SPATA21: variants seen among roughly 807,000 people sequenced by gnomAD.
SPATA21 encodes spermatogenesis associated 21.
A neutral mutation model predicts 54.8 loss-of-function variants in SPATA21; 47 were observed. The ratio of observed to expected loss-of-function variants is 0.86; its 90% CI spans 0.68 to 1.09. SPATA21 has a LOEUF of 1.09. Among genes scored for constraint, SPATA21 ranks in the 50% least tolerant of loss-of-function variants. The pLI, the probability that SPATA21 is intolerant of heterozygous loss-of-function variation, is 0.00. For missense variants in SPATA21, 599 were observed against 596.4 expected, an observed-to-expected ratio of 1.00 and a Z score of -0.05; for synonymous variants, 245 against 235.3, an observed-to-expected ratio of 1.04 and a Z score of -0.38.
chr1:16,410,702 C>T (rs375270828), intron 5 of SPATA21: 63 of 239,136 alleles, frequency 2.6e-4, no homozygotes, highest in East Asian at 1.3e-3. Context: ...TGAGCCACTG[C>T]GCCCGGCCTA....
chr1:16,429,017 G>A (rs1415737304), intron 3 of SPATA21, among the ~76,000 whole-genome samples: 1 of 152,110 alleles, frequency 6.6e-6, no homozygotes, highest in Non-Finnish European at 1.5e-5. Context: ...GTGGATGAAG[G>A]AAGCCCTGAA....
intron 10 of SPATA21, among the ~76,000 whole-genome samples, chr1:16,402,236 C>T (rs1438625899): frequency 3.2e-5 from 4 of 123,972 alleles, no homozygotes; most frequent in East Asian, 5.0e-4. Context: ...TCTGGCAGTT[C>T]TGAGCTGCCA....
rs1449777958 is a variant in SPATA21 at position 16,428,880 on chromosome 1, A to G, written c.34+2458T>C. On this transcript the variant is annotated intron_variant, in intron 3 of 12. Transcript: ENST00000335496. This position sits in a 1 kb window ranked among gnomAD's most constrained non-coding sequence, Gnocchi z 4.3. ...CCTACTATGAGACAGGGCCTGTGCTAGGTGCCTTAGTCAACACCGTAAAAC... is the reference window on the plus strand; with the variant it reads ...CCTACTATGAGACAGGGCCTGTGCTGGGTGCCTTAGTCAACACCGTAAAAC... Among the ~76,000 whole-genome samples the G allele has an allele frequency of 1.3e-5, 2 of 152,228 alleles. No homozygotes were observed. Among genetic ancestry groups the G allele is most frequent in the African/African-American group, 2.4e-5 (1 of 41,460 alleles).
chr1:16,415,062 C>T (rs916450805), intron 5 of SPATA21, among the ~76,000 whole-genome samples: 6 of 152,126 alleles, frequency 3.9e-5, no homozygotes, highest in East Asian at 1.9e-4. Flanking sequence ...CTGGGCCAGG[C>T]GCAGTGGCTC....
At chr1:16,401,717 T>C (rs533374510) in intron 10 of SPATA21, among the ~76,000 whole-genome samples, 6 of 152,340 alleles carry the variant, frequency 3.9e-5, no homozygotes, top group Admixed American at 2.6e-4. Flanking sequence ...AAATCTTCTC[T>C]GTCCTATCCC....
chr1:16,431,201 G>A, intron 3 of SPATA21, 137 bp downstream of exon 3: 1 of 1,555,268 alleles, frequency 6.4e-7, no homozygotes, highest in South Asian at 1.2e-5. Flanking sequence ...AAAGGTGCCA[G>A]CTAGGAGTGA....
rs894363971 is a variant in SPATA21 at position 16,425,649 on chromosome 1, G to T, written c.35-3678C>A. 4 of 1,550,114 alleles carry T rather than the reference G, an allele frequency of 2.6e-6. No individual in the cohort carries two copies. The African/African-American group carries it at 5.5e-5, about 21-fold the overall frequency. ...TCAGGTACTTCAGGAACCCAGGAAGGCAGCAACCCCAGCTCACTCTGATCC... is the reference window on the plus strand; with the variant it reads ...TCAGGTACTTCAGGAACCCAGGAAGTCAGCAACCCCAGCTCACTCTGATCC... On this transcript the variant is annotated intron_variant, in intron 3 of 12. Coordinates refer to ENST00000335496, the MANE Select transcript of SPATA21 (RefSeq NM_198546.1).
At position 16,400,871 on chromosome 1, in the gene SPATA21, C is replaced by T. The variant is rs1306885449; in HGVS notation, c.1023G>A (p.Lys341=). 2 of 1,612,950 alleles carry T rather than the reference C, an allele frequency of 1.2e-6. No homozygotes were observed. The highest frequency in any genetic ancestry group is 1.1e-5 in the South Asian group (1 of 91,024). ...TCTCCTGGGCCTTGCAGGTGCCTTC[C>T]TTCAGCTTTTTCTGGTAGTAGCTGG... ...EITNYYQKKL[K]EGTCKAQEME... The change falls in exon 11 of 13, where the codon AAG becomes AAA. Residue 341 remains lysine, a synonymous_variant. Transcript: ENST00000335496.
In SPATA21 at chr1:16,409,266, G is replaced by A. The variant is rs145148928; in HGVS notation, c.588-63C>T. The A allele has an allele frequency of 5.7e-6, 9 of 1,586,842 alleles. No individual in the cohort carries two copies. The African/African-American group carries it at 8.1e-5, about 14-fold the overall frequency. ...GCCGCCCACCCTGCTGATAGCTAGG[G>A]GAGGGGTTGGGGGAGCCTGCAGGAG... is the stretch of plus-strand genomic sequence containing the variant. On this transcript the variant is annotated intron_variant, in intron 6 of 12. Transcript: ENST00000335496. This position sits in a 1 kb window ranked among gnomAD's most constrained non-coding sequence, Gnocchi z 4.1.
intron 5 of SPATA21, among the ~76,000 whole-genome samples, chr1:16,419,745 G>T (rs1242897536): frequency 6.6e-6 from 1 of 152,138 alleles, no homozygotes; most frequent in African/African-American, 2.4e-5. Context: ...TTCGAGAGCA[G>T]CCTGACCAAT....
intron 3 of SPATA21, chr1:16,424,912 TTTTTA>T (rs1461672193): frequency 2.5e-5 from 7 of 280,588 alleles, no homozygotes; most frequent in Non-Finnish European, 4.9e-5. Context: ...ACAAGACTTA[TTTTTA>T]TTTTATTTTT....
intron 5 of SPATA21, among the ~76,000 whole-genome samples, chr1:16,417,918 C>G (rs1050418990): frequency 6.6e-6 from 1 of 152,180 alleles, no homozygotes; most frequent in Non-Finnish European, 1.5e-5. Context: ...ATTCCATTCC[C>G]TCTGTATGGC....
chr1:16,402,249 C>CTTTTTTTTTTTTTTT (rs869032281), intron 10 of SPATA21, among the ~76,000 whole-genome samples: 3 of 55,946 alleles, frequency 5.4e-5, no homozygotes, highest in African/African-American at 8.1e-5. Context: ...AGCTGCCATT[C>CTTTTTTTTTTTTTTT]TTTTTTTTTT....
intron 5 of SPATA21, among the ~76,000 whole-genome samples, chr1:16,413,248 A>G (rs1029730870): frequency 6.6e-6 from 1 of 152,150 alleles, no homozygotes; most frequent in Non-Finnish European, 1.5e-5. Context: ...TTGACTAAGA[A>G]TCTCATATAA....
intron 7 of SPATA21, among the ~76,000 whole-genome samples, chr1:16,406,577 CAAAAAATTTTA>C (rs2085647874): frequency 1.5e-5 from 2 of 130,460 alleles, no homozygotes; most frequent in South Asian, 5.1e-4. Flanking sequence ...TCCATCTCTA[CAAAAAATTTTA>C]GAAATTAGCC....
At chr1:16,408,908 G>C (rs754350475) in intron 7 of SPATA21, among the ~76,000 whole-genome samples, 85 of 148,506 alleles carry the variant, frequency 5.7e-4, no homozygotes, top group Admixed American at 8.1e-4. Context: ...ATGAGTTCTG[G>C]CCCCCCCAAC....
At chr1:16,430,129 A>G (rs1487241040) in intron 3 of SPATA21, among the ~76,000 whole-genome samples, 1 of 150,338 alleles carries the variant, frequency 6.7e-6, no homozygotes, top group Non-Finnish European at 1.5e-5. Flanking sequence ...AAAAAAAAAA[A>G]AAAAAAAAAA....
chr1:16,403,901 C>T (rs1158114405), intron 9 of SPATA21, 57 bp from the exon 10 acceptor site: 4 of 1,612,492 alleles, frequency 2.5e-6, no homozygotes, highest in East Asian at 2.2e-5. Context: ...ATGCCCTCTT[C>T]TCTCCCCGCA....
At chr1:16,407,666 G>T (rs1160514648) in intron 7 of SPATA21, among the ~76,000 whole-genome samples, 6 of 152,146 alleles carry the variant, frequency 3.9e-5, no homozygotes, top group Admixed American at 3.9e-4. Context: ...CACCATGTTG[G>T]TCAGGCTGGT....
Sources: allele counts gnomAD v4.1 joint callset (sites outside exome capture counted in the v4.1 genomes callset), GRCh38; gene constraint gnomAD v4.1.1; non-coding constraint Gnocchi (gnomAD v3.1); transcripts MANE v1.5; gene names NCBI Gene and HGNC (gene_info 2026-07-23, HGNC 2026-07-21).